ZNF131: variants seen among roughly 807,000 people sequenced by gnomAD.
The protein encoded by ZNF131 is zinc finger protein 131.
In ZNF131, 7 loss-of-function variants were observed where a neutral mutation model predicts 60.0. The ratio of observed to expected loss-of-function variants is 0.12; its 90% CI spans 0.07 to 0.22. The LOEUF is 0.22. Ranked by LOEUF, ZNF131 falls within the 10% of genes least tolerant of loss-of-function variation. ZNF131 has a pLI of 1.00. For missense variants in ZNF131, 493 were observed against 740.9 expected (o/e 0.67, Z 3.88); for synonymous variants, 257 against 253.2 (o/e 1.01, Z -0.14).
intron 3 of ZNF131, among the ~76,000 whole-genome samples, chr5:43,131,804 T>G (rs72748900): frequency 0.031 from 4,053 of 131,182 alleles, 69 homozygotes; most frequent in Middle Eastern, 0.093. Flanking sequence ...TATGTGCGTA[T>G]GTACAAAAAA....
intron 3 of ZNF131, among the ~76,000 whole-genome samples, chr5:43,134,585 T>A (rs1042758510): frequency 2.6e-5 from 4 of 151,966 alleles, no homozygotes; most frequent in African/African-American, 9.7e-5. Flanking sequence ...TGACATCTTA[T>A]ATATAGAAAA....
chr5:43,125,679 G>A (rs575465058), intron 3 of ZNF131, among the ~76,000 whole-genome samples: 1 of 151,912 alleles, frequency 6.6e-6, no homozygotes, highest in East Asian at 2.0e-4. Flanking sequence ...ACTCAGGAAG[G>A]CCGAGGCAGG....
At chr5:43,128,656 CAA>C (rs1170687481) in intron 3 of ZNF131, among the ~76,000 whole-genome samples, 309 of 70,100 alleles carry the variant, frequency 4.4e-3, no homozygotes, top group Middle Eastern at 7.8e-3. Flanking sequence ...GACTCCATCT[CAA>C]AAAAAAAAAA....
At chr5:43,143,919 T>TTTTTTTTTTTTTTTTTTTTTTTTTTTG (rs1747204701) in intron 4 of ZNF131, among the ~76,000 whole-genome samples, 1 of 119,660 alleles carries the variant, frequency 8.4e-6, no homozygotes. Context: ...TTTTTTTTTT[T>TTTTTTTTTTTTTTTTTTTTTTTTTTTG]TTTTTTTTTT....
At chr5:43,174,360 ATC>A (rs1751348584) in intron 6 of ZNF131, 85 bp from the exon 7 acceptor site, 6 of 1,212,462 alleles carry the variant, frequency 4.9e-6, no homozygotes, top group Non-Finnish European at 6.7e-6. Context: ...TAAGCCTTCA[ATC>A]TTTTCTTTAC....
At chr5:43,167,744 A>G (rs1275840089) in intron 5 of ZNF131, among the ~76,000 whole-genome samples, 1 of 152,174 alleles carries the variant, frequency 6.6e-6, no homozygotes, top group Non-Finnish European at 1.5e-5. Context: ...CTGGCAGGGG[A>G]CAAGCATGTG....
intron 4 of ZNF131, among the ~76,000 whole-genome samples, chr5:43,158,332 C>T (rs1461797200): frequency 1.3e-5 from 2 of 152,106 alleles, no homozygotes; most frequent in Non-Finnish European, 2.9e-5. Flanking sequence ...TCTTGTTGCC[C>T]AGGCTGGAGT....
intron 3 of ZNF131, among the ~76,000 whole-genome samples, chr5:43,130,261 C>A (rs1474118361): frequency 6.2e-5 from 1 of 16,190 alleles, no homozygotes; most frequent in Admixed American, 1.0e-3. Flanking sequence ...AAGACTCTGT[C>A]TCCAAAAAAA....
intron 6 of ZNF131, 130 bp from the exon 7 acceptor site, chr5:43,174,317 A>G (rs931508908): frequency 5.9e-6 from 5 of 842,222 alleles, no homozygotes; most frequent in Non-Finnish European, 8.7e-6. Flanking sequence ...ACGAGATTCT[A>G]TTGCAGGTAC....
At chr5:43,123,611 C>T (rs1210922106) in intron 3 of ZNF131, 1 of 246,054 alleles carries the variant, frequency 4.1e-6, no homozygotes, top group Admixed American at 5.2e-5. Flanking sequence ...TTTTTGAAAA[C>T]AAGTATTAAA....
rs1747353409 is a variant in ZNF131 at position 43,144,670 on chromosome 5, T to C, written c.371+5361T>C. On this transcript the variant is annotated intron_variant, in intron 4 of 6. Transcript: ENST00000682664. ...TAAACAGTTGCCATTGATTGTTTTT[T>C]GACAAATGTCTTGTGTTTAAGGCTA... 2.6e-5 allele frequency among the ~76,000 whole-genome samples: 4 copies of C among 152,288 alleles called. No homozygotes were observed. The South Asian group carries it at 8.3e-4, about 32-fold the overall frequency.
chr5:43,172,529 C>T (rs1751122830), intron 5 of ZNF131, among the ~76,000 whole-genome samples: 1 of 150,580 alleles, frequency 6.6e-6, no homozygotes, highest in Non-Finnish European at 1.5e-5. Flanking sequence ...GGCTGAGACA[C>T]AAGAATCACT....
At chr5:43,130,794 G>A (rs1377336146) in intron 3 of ZNF131, among the ~76,000 whole-genome samples, 5 of 152,014 alleles carry the variant, frequency 3.3e-5, no homozygotes, top group African/African-American at 9.7e-5. Flanking sequence ...TCGAACTCCC[G>A]ATCTCAGATG....
In ZNF131 at chr5:43,161,779, G is replaced by A. The variant is rs777606649; in HGVS notation, c.902G>A (p.Ser301Asn). ...TGCAATAAACGATATCTTCGAGAGAGCGCATGGAAACAGCACCTAAATTGT... is the reference window on the plus strand; with the variant it reads ...TGCAATAAACGATATCTTCGAGAGAACGCATGGAAACAGCACCTAAATTGT... ...EICNKRYLRE[S>N]AWKQHLNCYH... The change falls in exon 5 of 7, where the codon AGC becomes AAC. Residue 301 changes from serine to asparagine, a missense_variant. Transcript: ENST00000682664. 6 of 1,614,224 alleles carry A rather than the reference G, an allele frequency of 3.7e-6. No homozygotes were observed. Among genetic ancestry groups the A allele is most frequent in the South Asian group, 2.2e-5 (2 of 91,082 alleles).
chr5:43,121,475 C>T (rs1472576285), intron 1 of ZNF131: 1 of 152,474 alleles, frequency 6.6e-6, no homozygotes, highest in Admixed American at 6.5e-5. Context: ...CTGGTCGGCG[C>T]CCGGAAGGCG....
At chr5:43,131,013 A>T (rs1745274921) in intron 3 of ZNF131, among the ~76,000 whole-genome samples, 1 of 151,894 alleles carries the variant, frequency 6.6e-6, no homozygotes, top group African/African-American at 2.4e-5. Flanking sequence ...ACAGGCACTC[A>T]CTAACCACAC....
rs994633058 is a variant in ZNF131, at chr5:43,161,134, C to T, written c.372-115C>T. On this transcript the variant is annotated intron_variant, in intron 4 of 6. Coordinates refer to ENST00000682664, the MANE Select transcript of ZNF131 (RefSeq NM_001330707.2). ...TTGAAATCAGGTAGGATAAGCCCTG[C>T]AGTCTTGTTTTATAACTGTTTATAT... 5 of 893,454 alleles carry T rather than the reference C, an allele frequency of 5.6e-6. No individual in the cohort carries two copies. In the East Asian group the frequency reaches 9.9e-5, roughly 18 times the overall value. 55.3% of individuals were successfully genotyped at this position (893,454 alleles called of 1,614,324 possible). A position where few individuals can be genotyped will look rare whatever the true frequency, so the allele number is the denominator to read the frequency against.
chr5:43,151,192 T>C (rs1033303610), intron 4 of ZNF131, among the ~76,000 whole-genome samples: 9 of 152,192 alleles, frequency 5.9e-5, no homozygotes, highest in African/African-American at 2.2e-4. Context: ...AGTGAACATA[T>C]CAGCTTAAGT....
intron 5 of ZNF131, chr5:43,167,871 G>C: frequency 4.7e-6 from 2 of 423,994 alleles, no homozygotes; most frequent in South Asian, 1.7e-5. Flanking sequence ...CTGTTCTGTT[G>C]CTTATAACAA....
Sources: gnomAD v4.1 joint callset for allele counts (sites outside exome capture counted in the v4.1 genomes callset) on GRCh38, gnomAD v4.1.1 for gene constraint, MANE v1.5 for transcripts, NCBI Gene and HGNC (gene_info 2026-07-23, HGNC 2026-07-21) for gene names.